Variants in EXOC6B observed in about 807,000 individuals in gnomAD.
EXOC6B encodes the protein SEC15 homolog B.
In EXOC6B, 54 loss-of-function variants were observed where a neutral mutation model predicts 113.5. That is an observed-to-expected ratio of 0.48 (90% CI 0.38 to 0.60). The LOEUF (loss-of-function observed/expected upper bound fraction) is 0.60. Among genes scored for constraint, EXOC6B ranks in the 20% least tolerant of loss-of-function variants. EXOC6B has a pLI of 0.00. For missense variants in EXOC6B, 797 were observed against 977.5 expected (o/e 0.82, Z 2.46); for synonymous variants, 357 against 339.0 (o/e 1.05, Z -0.58).
At chr2:72,350,220 C>T (rs748362542) in intron 19 of EXOC6B, among the ~76,000 whole-genome samples, 1 of 152,018 alleles carries the variant, frequency 6.6e-6, no homozygotes, top group Non-Finnish European at 1.5e-5. Flanking sequence ...TTATTAAAGA[C>T]CGTTTTTGAT....
intron 6 of EXOC6B, among the ~76,000 whole-genome samples, chr2:72,602,716 T>C (rs1670504718): frequency 6.6e-6 from 1 of 152,220 alleles, no homozygotes; most frequent in African/African-American, 2.4e-5. Flanking sequence ...TCACACAGGT[T>C]ATTGACTTCT....
At chr2:72,214,652 G>C (rs1352323437) in intron 20 of EXOC6B, among the ~76,000 whole-genome samples, 1 of 152,076 alleles carries the variant, frequency 6.6e-6, no homozygotes, top group Non-Finnish European at 1.5e-5. Flanking sequence ...CTTATCAGCT[G>C]ATCTGCAGTT....
intron 20 of EXOC6B, chr2:72,288,851 T>G (rs1685608234): frequency 4.8e-6 from 1 of 206,630 alleles, no homozygotes; most frequent in Non-Finnish European, 9.8e-6. Context: ...CTAACTGTGT[T>G]GCTGAAGCAT....
Position 72,210,030 on chromosome 2 carries a change from A to T in EXOC6B, c.2197-25843T>A, listed in dbSNP as rs532245556. On this transcript the variant is annotated intron_variant, in intron 20 of 21. Transcript: ENST00000272427. ...GCATAATTTTTAAAAAAGAATTATA[A>T]ATACTAAGACTTTCTTTTGGTGGGT... Among the ~76,000 whole-genome samples the T allele has an allele frequency of 1.1e-4, 16 of 152,282 alleles. No homozygotes were observed. The East Asian group carries it at 2.5e-3, about 24-fold the overall frequency.
At chr2:72,805,371 C>T (rs572023546) in intron 1 of EXOC6B, among the ~76,000 whole-genome samples, 7 of 152,324 alleles carry the variant, frequency 4.6e-5, no homozygotes, top group Non-Finnish European at 1.0e-4. Context: ...CAGTTTACAT[C>T]TGGTGCACCT....
chr2:72,457,205 T>C (rs1451416117), intron 18 of EXOC6B, among the ~76,000 whole-genome samples: 6 of 152,120 alleles, frequency 3.9e-5, no homozygotes, highest in Non-Finnish European at 8.8e-5. Flanking sequence ...ATGGGAGTAC[T>C]GACAGTTTGT....
At chr2:72,654,400 TTC>T (rs1199795015) in intron 6 of EXOC6B, among the ~76,000 whole-genome samples, 1 of 152,208 alleles carries the variant, frequency 6.6e-6, no homozygotes, top group African/African-American at 2.4e-5. Context: ...GTTTCCTAAT[TTC>T]TCTCAAATTT....
At chr2:72,560,015 G>C (rs1344586032) in intron 7 of EXOC6B, among the ~76,000 whole-genome samples, 1 of 152,088 alleles carries the variant, frequency 6.6e-6, no homozygotes, top group Non-Finnish European at 1.5e-5. Flanking sequence ...AAGTCAACAT[G>C]CAATCAAAAT....
chr2:72,366,114 C>T (rs587431), intron 19 of EXOC6B, among the ~76,000 whole-genome samples: 16,419 of 151,882 alleles, frequency 0.11, 918 homozygotes, highest in African/African-American at 0.14. Flanking sequence ...ATCAGGTGAA[C>T]AATATCAATA....
chr2:72,214,351 C>T (rs375703142), intron 20 of EXOC6B, among the ~76,000 whole-genome samples: 24 of 152,016 alleles, frequency 1.6e-4, no homozygotes, highest in African/African-American at 5.3e-4. Flanking sequence ...ATTAGCCGGG[C>T]GTGGTGGCGG....
At chr2:72,643,787 AAAG>A (rs1673458582) in intron 6 of EXOC6B, among the ~76,000 whole-genome samples, 1 of 151,570 alleles carries the variant, frequency 6.6e-6, no homozygotes, top group South Asian at 2.1e-4. Flanking sequence ...ATTTAAAAAA[AAAG>A]AAGCAATAAA....
At chr2:72,782,131 C>G (rs1573787944) in intron 1 of EXOC6B, among the ~76,000 whole-genome samples, 2 of 145,708 alleles carry the variant, frequency 1.4e-5, no homozygotes, top group East Asian at 4.0e-4. Context: ...CAGAGCGAGA[C>G]TCACTCTCAA....
intron 18 of EXOC6B, among the ~76,000 whole-genome samples, chr2:72,440,603 T>C (rs1160334467): frequency 6.6e-6 from 1 of 152,170 alleles, no homozygotes; most frequent in East Asian, 1.9e-4. Flanking sequence ...CCAGGTACAC[T>C]ATAAAGCAAC....
chr2:72,536,697 AAG>A (rs1381578636), intron 8 of EXOC6B, among the ~76,000 whole-genome samples: 2 of 152,214 alleles, frequency 1.3e-5, no homozygotes, highest in African/African-American at 4.8e-5. Flanking sequence ...GTAGAAATAT[AAG>A]AGAGCTTCTT....
intron 19 of EXOC6B, among the ~76,000 whole-genome samples, chr2:72,361,473 G>T (rs1431395189): frequency 6.6e-6 from 1 of 152,158 alleles, no homozygotes; most frequent in Admixed American, 6.5e-5. Context: ...ATTAGGAAAA[G>T]ATCTGTAATG....
chr2:72,354,972 GC>G lies in EXOC6B; in HGVS notation c.2123-19953del, dbSNP rs367795002. On this transcript the variant is annotated intron_variant, in intron 19 of 21. Transcript: ENST00000272427. ...CTGCTTTTAAAAAGAACTGGTAAGG[GC>G]CTGGGAGGTGGAGGAGAGACAATCT... 5.4e-3 allele frequency among the ~76,000 whole-genome samples: 822 copies of G among 152,310 alleles called. 8 individuals carry two copies. The highest frequency in any genetic ancestry group is 0.019 in the African/African-American group (788 of 41,570).
At chr2:72,271,989 C>A (rs1684517510) in intron 20 of EXOC6B, among the ~76,000 whole-genome samples, 1 of 152,108 alleles carries the variant, frequency 6.6e-6, no homozygotes, top group Non-Finnish European at 1.5e-5. Flanking sequence ...TACGTACATG[C>A]TGATATAGTT....
chr2:72,268,313 A>G (rs1365419586), intron 20 of EXOC6B, among the ~76,000 whole-genome samples: 1 of 151,974 alleles, frequency 6.6e-6, no homozygotes, highest in East Asian at 1.9e-4. Context: ...GTTTTGTTAT[A>G]TTGGGCAGGG....
intron 6 of EXOC6B, among the ~76,000 whole-genome samples, chr2:72,641,258 G>A (rs1485191594): frequency 5.9e-5 from 9 of 152,332 alleles, no homozygotes; most frequent in South Asian, 4.1e-4. Flanking sequence ...AGCAGGGCGG[G>A]GCATCGCCTC....
Sources: allele counts gnomAD v4.1 joint callset (sites outside exome capture counted in the v4.1 genomes callset), GRCh38; gene constraint gnomAD v4.1.1; transcripts MANE v1.5; gene names NCBI Gene and HGNC (gene_info 2026-07-23, HGNC 2026-07-21).